CRPPA: variants seen among roughly 807,000 people sequenced by gnomAD.
The protein encoded by CRPPA is D-ribitol-5-phosphate cytidylyltransferase.
A neutral mutation model predicts 52.0 loss-of-function variants in CRPPA; 43 were observed. The observed-to-expected ratio is 0.83, with a 90% confidence interval of 0.65 to 1.07. CRPPA has a LOEUF of 1.07. CRPPA is among the 50% of genes least tolerant of loss of function. CRPPA has a pLI of 0.00. For missense variants in CRPPA, 629 were observed against 551.7 expected (o/e 1.14, Z -1.40); for synonymous variants, 250 against 203.5 (o/e 1.23, Z -1.94).
At chr7:16,332,481 T>C (rs1026949903) in intron 3 of CRPPA, among the ~76,000 whole-genome samples, 22 of 152,168 alleles carry the variant, frequency 1.4e-4, no homozygotes, top group African/African-American at 5.1e-4. Flanking sequence ...TCTATGCTTA[T>C]GTATAAGTGA....
chr7:16,276,186 T>C (rs534006754), intron 6 of CRPPA, among the ~76,000 whole-genome samples: 1 of 152,172 alleles, frequency 6.6e-6, no homozygotes, highest in African/African-American at 2.4e-5. Context: ...GTAATAGCTG[T>C]GGATGGCCAA....
chr7:16,099,258 A>G (rs920494643), intron 9 of CRPPA, among the ~76,000 whole-genome samples: 53 of 151,176 alleles, frequency 3.5e-4, no homozygotes, highest in South Asian at 4.2e-4. Flanking sequence ...ATCTCTTTAA[A>G]AAGAGGAGAG....
intron 5 of CRPPA, among the ~76,000 whole-genome samples, chr7:16,293,577 G>A (rs1413627046): frequency 6.6e-6 from 1 of 151,960 alleles, no homozygotes; most frequent in African/African-American, 2.4e-5. Context: ...AAGGCAGGCA[G>A]TAAATAAAGG....
At chr7:16,364,298 A>G (rs1247076322) in intron 3 of CRPPA, among the ~76,000 whole-genome samples, 2 of 152,248 alleles carry the variant, frequency 1.3e-5, no homozygotes, top group Non-Finnish European at 2.9e-5. Flanking sequence ...AATAATTTCA[A>G]ATCTAAAATA....
At chr7:16,236,729 T>C (rs1287490260) in intron 8 of CRPPA, among the ~76,000 whole-genome samples, 2 of 152,090 alleles carry the variant, frequency 1.3e-5, no homozygotes, top group Non-Finnish European at 2.9e-5. Context: ...TTTTTCTGTT[T>C]TTATTTTTCA....
At chr7:16,392,708 A>T (rs1291716153) in intron 2 of CRPPA, among the ~76,000 whole-genome samples, 1 of 152,146 alleles carries the variant, frequency 6.6e-6, no homozygotes, top group Non-Finnish European at 1.5e-5. Context: ...ACTTCCTATT[A>T]TGAAAACTTC....
chr7:16,198,586 AT>A (rs1247495644), intron 9 of CRPPA, among the ~76,000 whole-genome samples: 1 of 138,126 alleles, frequency 7.2e-6, no homozygotes, highest in East Asian at 3.0e-4. Flanking sequence ...GGGTCCCCTT[AT>A]TTCTTTCTCT....
rs182306999 is a variant in CRPPA, at chr7:16,294,328, A to C, written c.835+7093T>G. Among the ~76,000 whole-genome samples the C allele has an allele frequency of 2.6e-3, 389 of 152,012 alleles. 1 individual carries two copies. The highest frequency in any genetic ancestry group is 8.9e-3 in the African/African-American group (370 of 41,520). On this transcript the variant is annotated intron_variant, in intron 5 of 9. Transcript: ENST00000407010. The stretch of plus-strand genomic sequence containing the variant: ...ATTTAACTAGTTGCTTAATACCTCA[A>C]TGTGACCTTCAAAAGCGACAGATTT...
At chr7:16,400,312 A>G (rs1276476031) in intron 2 of CRPPA, among the ~76,000 whole-genome samples, 1 of 152,204 alleles carries the variant, frequency 6.6e-6, no homozygotes, top group Non-Finnish European at 1.5e-5. Flanking sequence ...AACATGATTG[A>G]CACTTGACCA....
At chr7:16,235,195 A>G (rs1782914609) in intron 8 of CRPPA, among the ~76,000 whole-genome samples, 1 of 152,124 alleles carries the variant, frequency 6.6e-6, no homozygotes, top group African/African-American at 2.4e-5. Flanking sequence ...AGAGAAGTTG[A>G]GATGAATAGT....
rs192391610 is a variant in CRPPA at position 16,184,786 on chromosome 7, G to A, written c.1251+31280C>T. ...TCCTCCAAATGTTTAGGCAGATTGG[G>A]TTTTTATAGTTTTGGTATAATTTTG... On this transcript the variant is annotated intron_variant, in intron 9 of 9. Coordinates refer to ENST00000407010, the MANE Select transcript of CRPPA (RefSeq NM_001101426.4). 3.9e-5 allele frequency among the ~76,000 whole-genome samples: 6 copies of A among 152,164 alleles called. No homozygotes were observed. In the East Asian group the frequency reaches 1.2e-3, roughly 29 times the overall value.
chr7:16,201,649 G>A (rs562059164), intron 9 of CRPPA, among the ~76,000 whole-genome samples: 17 of 152,036 alleles, frequency 1.1e-4, no homozygotes, highest in African/African-American at 1.7e-4. Flanking sequence ...GGAACTTGCC[G>A]AACCGTGGGA....
At chr7:16,229,126 G>T (rs759796773) in intron 8 of CRPPA, among the ~76,000 whole-genome samples, 1 of 151,796 alleles carries the variant, frequency 6.6e-6, no homozygotes, top group Non-Finnish European at 1.5e-5. Flanking sequence ...GTTTCAATTT[G>T]TATGGGACAT....
At chr7:16,191,667 T>A (rs1781614006) in intron 9 of CRPPA, among the ~76,000 whole-genome samples, 1 of 152,152 alleles carries the variant, frequency 6.6e-6, no homozygotes, top group South Asian at 2.1e-4. Context: ...TGAGGCTTTG[T>A]ACCGGTTGCT....
chr7:16,280,726 A>G (rs1252666679), intron 5 of CRPPA, among the ~76,000 whole-genome samples: 1 of 152,198 alleles, frequency 6.6e-6, no homozygotes. Context: ...AATGAATTCA[A>G]AATCTATTTG....
chr7:16,397,198 C>T lies in CRPPA; in HGVS notation c.534+8863G>A, dbSNP rs376951666. Among the ~76,000 whole-genome samples, 4 of 152,340 alleles carry T rather than the reference C, an allele frequency of 2.6e-5. No homozygotes were observed. The East Asian group carries it at 5.8e-4, about 22-fold the overall frequency. The stretch of plus-strand genomic sequence containing the variant: ...CGACACATTATCAAAACGTGATGGA[C>T]GTGTGACACGACTGACACGTATGTG... On this transcript the variant is annotated intron_variant, in intron 2 of 9. Coordinates refer to ENST00000407010, the MANE Select transcript of CRPPA (RefSeq NM_001101426.4).
chr7:16,230,829 C>G (rs772512977), intron 8 of CRPPA, among the ~76,000 whole-genome samples: 6 of 152,252 alleles, frequency 3.9e-5, no homozygotes, highest in East Asian at 3.9e-4. Flanking sequence ...ATGCCAGAAG[C>G]CTGGGGCTCA....
At chr7:16,104,612 C>G (rs1782111734) in intron 9 of CRPPA, among the ~76,000 whole-genome samples, 1 of 152,142 alleles carries the variant, frequency 6.6e-6, no homozygotes. Context: ...TTAAAAATCT[C>G]ATTAGAGGCT....
chr7:16,261,423 T>A (rs372911513), intron 6 of CRPPA, among the ~76,000 whole-genome samples: 1 of 152,070 alleles, frequency 6.6e-6, no homozygotes, highest in South Asian at 2.1e-4. Flanking sequence ...TCATGCTGTT[T>A]TAAATCTAAA....
Sources: gnomAD v4.1 joint callset for allele counts (sites outside exome capture counted in the v4.1 genomes callset) on GRCh38, gnomAD v4.1.1 for gene constraint, MANE v1.5 for transcripts, NCBI Gene and HGNC (gene_info 2026-07-23, HGNC 2026-07-21) for gene names.